SH3GL3: variants seen among roughly 807,000 people sequenced by gnomAD.
SH3GL3 encodes SH3 domain containing GRB2 like 3, endophilin A3.
A neutral mutation model predicts 47.7 loss-of-function variants in SH3GL3; 33 were observed. The observed-to-expected ratio is 0.69, with a 90% CI of 0.52 to 0.92. The LOEUF is 0.92. Among genes scored for constraint, SH3GL3 ranks in the 40% least tolerant of loss-of-function variants. The pLI, the probability that SH3GL3 is intolerant of heterozygous loss-of-function variation, is 0.00. For missense variants in SH3GL3, 363 were observed against 417.8 expected, an observed-to-expected ratio of 0.87 and a Z score of 1.14; for synonymous variants, 155 against 148.8, an observed-to-expected ratio of 1.04 and a Z score of -0.30.
intron 1 of SH3GL3, among the ~76,000 whole-genome samples, chr15:83,539,268 A>G (rs1014481157): frequency 3.9e-5 from 6 of 152,140 alleles, no homozygotes; most frequent in African/African-American, 1.4e-4. Flanking sequence ...TCACTGCACT[A>G]CCAGATCTGG....
At chr15:83,477,867 A>G (rs1417934142) in intron 1 of SH3GL3, among the ~76,000 whole-genome samples, 2 of 152,168 alleles carry the variant, frequency 1.3e-5, no homozygotes, top group Non-Finnish European at 2.9e-5. Context: ...GACCGCATAG[A>G]TTTTGCGGGA....
At chr15:83,599,460 T>C (rs1027115301) in intron 8 of SH3GL3, among the ~76,000 whole-genome samples, 3 of 152,358 alleles carry the variant, frequency 2.0e-5, no homozygotes, top group Admixed American at 6.5e-5. Flanking sequence ...TGGTTTTCCA[T>C]TCCTGAGTTT....
intron 2 of SH3GL3, among the ~76,000 whole-genome samples, chr15:83,559,782 A>G (rs919413838): frequency 5.3e-5 from 8 of 152,206 alleles, no homozygotes; most frequent in African/African-American, 1.7e-4. Flanking sequence ...CTGCCTGTAG[A>G]ACCAGAGTGT....
At chr15:83,511,009 G>A (rs1303609174) in intron 1 of SH3GL3, among the ~76,000 whole-genome samples, 2 of 151,912 alleles carry the variant, frequency 1.3e-5, no homozygotes, top group Non-Finnish European at 2.9e-5. Flanking sequence ...GGGAGAGGGG[G>A]GCGGGATAGC....
chr15:83,602,020 G>T (rs1310743408), intron 8 of SH3GL3, among the ~76,000 whole-genome samples: 1 of 151,896 alleles, frequency 6.6e-6, no homozygotes, highest in Non-Finnish European at 1.5e-5. Flanking sequence ...CCACAGTCCA[G>T]GGAGAATATT....
At chr15:83,587,153 C>T (rs1208285228) in intron 7 of SH3GL3, 67 bp downstream of exon 7, 19 of 817,904 alleles carry the variant, frequency 2.3e-5, no homozygotes, top group Non-Finnish European at 3.4e-5. Flanking sequence ...ATCCATCTGT[C>T]TGTCTCTCCA....
rs74856369 is a variant in SH3GL3, at chr15:83,465,345, A to G, written c.45+17767A>G. ...AATAAATAAAAAAGTAAAAAATAAAAACATGTATCTCAGACCATGTCATTC... is the reference window on the plus strand; with the variant it reads ...AATAAATAAAAAAGTAAAAAATAAAGACATGTATCTCAGACCATGTCATTC... On this transcript the variant is annotated intron_variant, in intron 1 of 8. Coordinates refer to ENST00000427482, the MANE Select transcript of SH3GL3 (RefSeq NM_003027.5). Among the ~76,000 whole-genome samples the G allele has an allele frequency of 7.9e-3, 1,191 of 151,656 alleles. 8 individuals are homozygous for G. The highest frequency in any genetic ancestry group is 0.014 in the Middle Eastern group (4 of 292).
intron 1 of SH3GL3, among the ~76,000 whole-genome samples, chr15:83,556,863 G>A (rs1056513684): frequency 7.9e-5 from 12 of 152,210 alleles, no homozygotes; most frequent in African/African-American, 2.9e-4. Context: ...GCTGCCAGGT[G>A]AGCTGAGGGC....
chr15:83,487,699 C>T (rs2041669111), intron 1 of SH3GL3, among the ~76,000 whole-genome samples: 1 of 152,114 alleles, frequency 6.6e-6, no homozygotes, highest in Non-Finnish European at 1.5e-5. Flanking sequence ...GTACCACTGA[C>T]CCTGGCACAA....
intron 1 of SH3GL3, among the ~76,000 whole-genome samples, chr15:83,468,001 G>T (rs11853676): frequency 0.83 from 125,481 of 151,852 alleles, 52,152 homozygotes; most frequent in Middle Eastern, 0.94. Context: ...CTAATTTTCT[G>T]TTATATTTTT....
chr15:83,599,302 G>A (rs2060318726), intron 8 of SH3GL3, among the ~76,000 whole-genome samples: 4 of 152,162 alleles, frequency 2.6e-5, no homozygotes, highest in South Asian at 2.1e-4. Context: ...CCCATCAGCC[G>A]AGCAGTGTAC....
chr15:83,620,727 C>T (rs1007435184), downstream of SH3GL3, among the ~76,000 whole-genome samples: 44 of 152,174 alleles, frequency 2.9e-4, 2 homozygotes, highest in Non-Finnish European at 2.2e-4. Context: ...ATGGTCAGTG[C>T]GCATTGGCTT....
In SH3GL3 at chr15:83,572,463, C is replaced by T. The variant is rs2059567386; in HGVS notation, c.332-102C>T. 7.1e-6 allele frequency: 7 copies of T among 979,166 alleles called. No individual in the cohort carries two copies. The East Asian group carries it at 1.2e-4, about 17-fold the overall frequency. 60.7% of individuals were successfully genotyped at this position (979,166 alleles called of 1,614,324 possible). On this transcript the variant is annotated intron_variant, in intron 4 of 8. Coordinates refer to ENST00000427482, the MANE Select transcript of SH3GL3 (RefSeq NM_003027.5). Reference sequence around the variant, plus strand: ...AGGTCCCGGAGCAAGGACCTTGCTACACCATCATCCACACACTTTTGGTAA... The same window carrying T: ...AGGTCCCGGAGCAAGGACCTTGCTATACCATCATCCACACACTTTTGGTAA...
intron 8 of SH3GL3, 63 bp from the exon 9 acceptor site, chr15:83,618,019 C>T: frequency 8.7e-7 from 1 of 1,151,536 alleles, no homozygotes; most frequent in African/African-American, 1.5e-5. Context: ...TCCACATTTC[C>T]AATTTCCCAT....
At chr15:83,632,894 G>A in the SH3GL3 span, among the ~76,000 whole-genome samples, 1,333 of 152,218 alleles carry the variant, frequency 8.8e-3, 15 homozygotes, top group African/African-American at 0.031. Flanking sequence ...CAAAAGATTT[G>A]GAGAGACACG....
intron 1 of SH3GL3, among the ~76,000 whole-genome samples, chr15:83,467,850 CGGA>C (rs2040637980): frequency 1.3e-5 from 2 of 151,832 alleles, no homozygotes; most frequent in African/African-American, 4.8e-5. Context: ...TTTTTTGAGA[CGGA>C]GTCTCTCTCT....
chr15:83,491,188 GT>G (rs2041859017), intron 1 of SH3GL3, among the ~76,000 whole-genome samples: 1 of 152,206 alleles, frequency 6.6e-6, no homozygotes, highest in Non-Finnish European at 1.5e-5. Flanking sequence ...TGGTCAGTAA[GT>G]GTCTCTTGCA....
chr15:83,520,279 A>G (rs1370086166), intron 1 of SH3GL3, among the ~76,000 whole-genome samples: 1 of 152,204 alleles, frequency 6.6e-6, no homozygotes, highest in Non-Finnish European at 1.5e-5. Context: ...GAGAGACACT[A>G]TATCTTCTAA....
At chr15:83,616,987 T>C (rs2060840338) in intron 8 of SH3GL3, among the ~76,000 whole-genome samples, 1 of 152,192 alleles carries the variant, frequency 6.6e-6, no homozygotes, top group Admixed American at 6.5e-5. Flanking sequence ...ACAAGAAGAA[T>C]CTTTTATGAA....
Sources: gnomAD v4.1 joint callset for allele counts (sites outside exome capture counted in the v4.1 genomes callset) on GRCh38, gnomAD v4.1.1 for gene constraint, MANE v1.5 for transcripts, NCBI Gene and HGNC (gene_info 2026-07-23, HGNC 2026-07-21) for gene names.